PTPRD: variants seen among roughly 807,000 people sequenced by gnomAD.
The protein encoded by PTPRD is receptor-type tyrosine-protein phosphatase delta.
A neutral mutation model predicts 214.5 loss-of-function variants in PTPRD; 34 were observed. That is an observed-to-expected ratio of 0.16 (90% CI 0.12 to 0.21). The LOEUF is 0.21. Among genes scored for constraint, PTPRD ranks in the 10% least tolerant of loss-of-function variants. The pLI is 1.00. For synonymous variants in PTPRD, 1,128 were observed against 845.7 expected (o/e 1.33, Z -5.79); for missense variants, 2,545 against 2,398.7 (o/e 1.06, Z -1.27).
chr9:9,714,201 T>C (rs1481211389), intron 7 of PTPRD, among the ~76,000 whole-genome samples: 1 of 152,176 alleles, frequency 6.6e-6, no homozygotes, highest in Non-Finnish European at 1.5e-5. Flanking sequence ...AATTGATTTA[T>C]ATGCTACTTT....
intron 8 of PTPRD, among the ~76,000 whole-genome samples, chr9:9,412,812 T>C (rs574225584): frequency 1.3e-5 from 2 of 152,298 alleles, no homozygotes; most frequent in African/African-American, 4.8e-5. Flanking sequence ...TAATAAATTA[T>C]GGGCTCTGGT....
At chr9:10,339,923 T>C (rs1249719332) in intron 3 of PTPRD, among the ~76,000 whole-genome samples, 2 of 151,852 alleles carry the variant, frequency 1.3e-5, no homozygotes, top group African/African-American at 4.8e-5. Flanking sequence ...TCCAACCTTC[T>C]GAAATAACAC....
chr9:9,951,965 G>T (rs1280200152), intron 4 of PTPRD, among the ~76,000 whole-genome samples: 3 of 152,160 alleles, frequency 2.0e-5, no homozygotes, highest in African/African-American at 7.2e-5. Flanking sequence ...AAATATATAT[G>T]TTGGAATCAC....
At chr9:9,783,633 A>C (rs1308990433) in intron 5 of PTPRD, among the ~76,000 whole-genome samples, 1 of 152,116 alleles carries the variant, frequency 6.6e-6, no homozygotes, top group Non-Finnish European at 1.5e-5. Flanking sequence ...CAAGGAAGTC[A>C]TAATAAAGAG....
chr9:9,007,762 C>T (rs1457107696), intron 11 of PTPRD, among the ~76,000 whole-genome samples: 1 of 149,128 alleles, frequency 6.7e-6, no homozygotes, highest in African/African-American at 2.4e-5. Context: ...TTTACACCCC[C>T]CAAAGGTTGC....
At chr9:8,463,276 C>A (rs895509186) in intron 32 of PTPRD, among the ~76,000 whole-genome samples, 2 of 94,426 alleles carry the variant, frequency 2.1e-5, no homozygotes, top group East Asian at 6.7e-4. Context: ...GATAAAAACT[C>A]AGTATATATG....
rs918734057 is a variant in PTPRD, at chr9:8,436,792, ATG to A, written c.3989-105_3989-104del. 1.0e-5 allele frequency: 9 copies of A among 881,486 alleles called. No homozygotes were observed. In the African/African-American group the frequency reaches 1.5e-4, roughly 15 times the overall value. The allele number at this position is 881,486 out of a possible 1,614,324, so 54.6% of individuals were successfully genotyped here. On this transcript the variant is annotated intron_variant, in intron 34 of 45. Transcript: ENST00000381196. ...CTATAGTTAGAAATGGCCTGAAAATATGTGAGTAGTAAAGATGTTTTAGGTGA... is the reference window on the plus strand; with the variant it reads ...CTATAGTTAGAAATGGCCTGAAAATATGAGTAGTAAAGATGTTTTAGGTGA...
intron 9 of PTPRD, among the ~76,000 whole-genome samples, chr9:9,192,912 A>C (rs1193211600): frequency 6.6e-6 from 1 of 152,084 alleles, no homozygotes; most frequent in Non-Finnish European, 1.5e-5. Flanking sequence ...CTGAGAAGAG[A>C]AGCTGATAAG....
At chr9:8,562,768 C>T (rs547898420) in intron 14 of PTPRD, among the ~76,000 whole-genome samples, 2 of 151,780 alleles carry the variant, frequency 1.3e-5, no homozygotes, top group Non-Finnish European at 2.9e-5. Context: ...AATTTTAATG[C>T]AATGTAGGTT....
intron 24 of PTPRD, 77 bp downstream of exon 24, chr9:8,500,677 T>C: frequency 7.1e-7 from 1 of 1,400,688 alleles, no homozygotes; most frequent in Non-Finnish European, 9.7e-7. Context: ...GAAAAAAGAT[T>C]ACTGTGAGCC....
intron 5 of PTPRD, among the ~76,000 whole-genome samples, chr9:9,924,550 T>C (rs1322861909): frequency 6.6e-6 from 1 of 151,954 alleles, no homozygotes. Flanking sequence ...GATGACACTT[T>C]CCTTGCCCGA....
chr9:8,474,850 T>A (rs113445928), intron 30 of PTPRD, among the ~76,000 whole-genome samples: 14 of 152,008 alleles, frequency 9.2e-5, no homozygotes, highest in African/African-American at 3.2e-4. Context: ...GTAGAAGGGC[T>A]GGCCCTACTT....
At position 8,492,929 on chromosome 9, in the gene PTPRD, G is replaced by A. The variant is rs2136307632; in HGVS notation, c.2400C>T (p.Val800=). 1.2e-6 allele frequency: 2 copies of A among 1,613,912 alleles called. No homozygotes were observed. Among genetic ancestry groups the A allele is most frequent in the Non-Finnish European group, 1.7e-6 (2 of 1,179,822 alleles). The change falls in exon 27 of 46, where the codon GTC becomes GTT. Residue 800 remains valine, a synonymous_variant. Transcript: ENST00000381196. ...LQPETSYSLT[V]TAYTTKGDGA... ...CATCTCCTTTGGTTGTGTAGGCTGT[G>A]ACGGTGAGGGAGTAGGAAGTTTCAG...
chr9:8,373,913 T>C (rs7039044), intron 39 of PTPRD, among the ~76,000 whole-genome samples: 2,981 of 78,372 alleles, frequency 0.038, 34 homozygotes, highest in African/African-American at 0.07. Flanking sequence ...TATCTATCTA[T>C]CTACCTACCT....
intron 7 of PTPRD, among the ~76,000 whole-genome samples, chr9:9,632,458 A>G (rs182919261): frequency 2.4e-4 from 36 of 152,292 alleles, no homozygotes; most frequent in Admixed American, 1.2e-3. Context: ...GGGAAGGAGT[A>G]TTAAAAATGT....
intron 4 of PTPRD, among the ~76,000 whole-genome samples, chr9:9,938,986 G>T (rs1288517640): frequency 3.4e-5 from 5 of 149,000 alleles, no homozygotes; most frequent in African/African-American, 1.2e-4. Context: ...AGAAGCTGAT[G>T]TTGAAAATAA....
At chr9:8,579,832 G>A (rs867360907) in intron 14 of PTPRD, among the ~76,000 whole-genome samples, 2 of 152,126 alleles carry the variant, frequency 1.3e-5, no homozygotes, top group African/African-American at 2.4e-5. Context: ...AGATGGAAAC[G>A]GAACCAAAAG....
chr9:9,187,701 A>G (rs1378295240), intron 9 of PTPRD, among the ~76,000 whole-genome samples: 1 of 152,068 alleles, frequency 6.6e-6, no homozygotes, highest in Non-Finnish European at 1.5e-5. Context: ...AACAACAAAT[A>G]CTACTGCAAC....
chr9:8,988,125 G>T (rs1461689888), intron 11 of PTPRD, among the ~76,000 whole-genome samples: 1 of 151,904 alleles, frequency 6.6e-6, no homozygotes, highest in African/African-American at 2.4e-5. Flanking sequence ...AGATAGGAAG[G>T]CATTTCAAGG....
Sources: allele counts gnomAD v4.1 joint callset (sites outside exome capture counted in the v4.1 genomes callset), GRCh38; gene constraint gnomAD v4.1.1; transcripts MANE v1.5; gene names NCBI Gene and HGNC (gene_info 2026-07-23, HGNC 2026-07-21).